The following RFNG variants were observed in gnomAD, a reference collection of about 807,000 sequenced individuals.
The protein encoded by RFNG is RFNG O-fucosylpeptide 3-beta-N-acetylglucosaminyltransferase.
In RFNG, 37 loss-of-function variants were observed where a neutral mutation model predicts 29.6. The observed-to-expected ratio is 1.25, with a 90% CI of 0.96 to 1.65. The LOEUF is 1.65. RFNG is among the 40% of genes most tolerant of loss of function. The pLI is 0.00. For synonymous variants in RFNG, 276 were observed against 197.3 expected, an observed-to-expected ratio of 1.40 and a Z score of -3.34; for missense variants, 546 against 457.0, an observed-to-expected ratio of 1.19 and a Z score of -1.78.
rs2030503474 is a variant in RFNG at position 82,051,204 on chromosome 17, G to A, written c.316+90C>T. The A allele has an allele frequency of 1.5e-6, 2 of 1,305,484 alleles. No individual in the cohort carries two copies. The highest frequency in any genetic ancestry group is 6.2e-5 in the East Asian group (2 of 32,278). The allele number at this position is 1,305,484 out of a possible 1,614,324, so 80.9% of individuals were successfully genotyped here. A position where few individuals can be genotyped will look rare whatever the true frequency, so the allele number is the denominator to read the frequency against. On this transcript the variant is annotated intron_variant, in intron 2 of 7. Coordinates refer to ENST00000310496, the MANE Select transcript of RFNG (RefSeq NM_002917.2). The surrounding 1 kb of genome is among the most constrained non-coding windows in gnomAD (Gnocchi z 4.1). ...GCCTCGGGAGCCTGGGCAGAGAAAGGCACCCACAGCAGCGAAGGGGCCGTG... is the reference window on the plus strand; with the variant it reads ...GCCTCGGGAGCCTGGGCAGAGAAAGACACCCACAGCAGCGAAGGGGCCGTG...
At chr17:82,049,143 G>A (rs748835578) in intron 6 of RFNG, 27 bp from the exon 7 acceptor site, 46 of 1,582,430 alleles carry the variant, frequency 2.9e-5, no homozygotes, top group Middle Eastern at 1.7e-4. Context: ...TGGGCAGAGT[G>A]TGTGGCCTGG....
In RFNG at chr17:82,048,598, G is replaced by C; in HGVS notation, c.*128C>G. The stretch of plus-strand genomic sequence containing the variant: ...AGGGGGGGCTGCAGGCTAGCCAGAG[G>C]GTCTGCCAGGTGCCTGCATCTCACT... On this transcript the variant is annotated 3_prime_UTR_variant, in exon 8 of 8. Transcript: ENST00000310496. The C allele has an allele frequency of 1.3e-6, 1 of 744,192 alleles. No individual in the cohort carries two copies. The highest frequency in any genetic ancestry group is 2.5e-5 in the East Asian group (1 of 40,236). The allele number at this position is 744,192 out of a possible 1,614,324, so 46.1% of individuals were successfully genotyped here.
Position 82,051,051 on chromosome 17 carries a change from G to A in RFNG, c.316+243C>T, listed in dbSNP as rs1049925607. 10 of 1,389,460 alleles carry A rather than the reference G, an allele frequency of 7.2e-6. No homozygotes were observed. The highest frequency in any genetic ancestry group is 4.4e-5 in the African/African-American group (3 of 68,306). 86.1% of individuals were successfully genotyped at this position (1,389,460 alleles called of 1,614,324 possible). On this transcript the variant is annotated intron_variant, in intron 2 of 7. Transcript: ENST00000310496. This position sits in a 1 kb window ranked among gnomAD's most constrained non-coding sequence, Gnocchi z 4.1. The stretch of plus-strand genomic sequence containing the variant: ...CGGATTCCCTGCTGGCGCTTCTTCA[G>A]GGGACGTGGCACTAGCCCCACGCCC...
chr17:82,050,616 C>G (rs758468489), intron 3 of RFNG, 46 bp downstream of exon 3: 2 of 1,608,636 alleles, frequency 1.2e-6, no homozygotes, highest in African/African-American at 2.7e-5. Context: ...AGGCCCCCAC[C>G]CAGCTTGGCT....
chr17:82,049,308 G>A (rs769858228), intron 6 of RFNG, 192 bp from the exon 7 acceptor site: 36 of 704,344 alleles, frequency 5.1e-5, no homozygotes, highest in African/African-American at 2.1e-4. Flanking sequence ...GAGCCTGGGG[G>A]ACAGAAGATA....
At chr17:82,050,211 C>T in intron 4 of RFNG, 191 bp downstream of exon 4, 1 of 797,156 alleles carries the variant, frequency 1.3e-6, no homozygotes, top group South Asian at 1.8e-5. Context: ...CCCAGACACC[C>T]CCTCTCTGCC....
chr17:82,050,489 G>A lies in RFNG; in HGVS notation c.486C>T (p.Ser162=), dbSNP rs369352365. The part of the protein sequence containing the change: ...NARSLLHLLS[S]FSPSQDVYLG... Reference sequence around the variant, plus strand: ...GGTAGACGTCCTGGCTGGGTGAGAAGCTGGAGAGCAGGTGCAGGAGGCTCC... The same window carrying A: ...GGTAGACGTCCTGGCTGGGTGAGAAACTGGAGAGCAGGTGCAGGAGGCTCC... The change falls in exon 4 of 8, where the codon AGC becomes AGT. Residue 162 remains serine (S), a synonymous_variant. Transcript: ENST00000310496. The A allele has an allele frequency of 5.3e-5, 86 of 1,612,918 alleles. 1 individual carries two copies. The highest frequency in any genetic ancestry group is 1.1e-4 in the African/African-American group (8 of 74,902).
Position 82,049,111 on chromosome 17 carries a change from G to A in RFNG, c.834C>T (p.Thr278=). 2 of 1,613,178 alleles carry A rather than the reference G, an allele frequency of 1.2e-6. No individual in the cohort carries two copies. Among genetic ancestry groups the A allele is most frequent in the Non-Finnish European group, 1.7e-6 (2 of 1,179,696 alleles). Residue 278 remains threonine (T), a synonymous_variant, in exon 7 of 8, where the codon ACC becomes ACT. Coordinates refer to ENST00000310496, the MANE Select transcript of RFNG (RefSeq NM_002917.2). ...LPPDTLLQQV[T]LSHGGPENPH... ...GGTTCTCAGGACCCCCATGGCTCAAGGTAACCTGGGAGGGAAGGGTGTGGG... is the reference window on the plus strand; with the variant it reads ...GGTTCTCAGGACCCCCATGGCTCAAAGTAACCTGGGAGGGAAGGGTGTGGG...
At chr17:82,048,877 C>T (rs906950885) in intron 7 of RFNG, 70 bp from the exon 8 acceptor site, 15 of 1,451,162 alleles carry the variant, frequency 1.0e-5, no homozygotes, top group East Asian at 4.6e-5. Flanking sequence ...CCGTGGGCGG[C>T]GGGAGAACCT....
chr17:82,049,157 G>C (rs760473344), intron 6 of RFNG, 41 bp from the exon 7 acceptor site: 1 of 1,546,410 alleles, frequency 6.5e-7, no homozygotes, highest in Admixed American at 1.7e-5. Context: ...GGCCTGGTCT[G>C]GTCTCGGGCC....
chr17:82,050,125 G>C, intron 4 of RFNG, 119 bp from the exon 5 acceptor site: 1 of 966,032 alleles, frequency 1.0e-6, no homozygotes, highest in Non-Finnish European at 1.6e-6. Context: ...CCAGGTAACA[G>C]AAGCTTCTTG....
chr17:82,049,175 C>T, intron 6 of RFNG, 59 bp from the exon 7 acceptor site: 1 of 1,448,746 alleles, frequency 6.9e-7, no homozygotes, highest in Non-Finnish European at 9.6e-7. Flanking sequence ...GCCACGCCTG[C>T]CCCTGGCCAG....
intron 4 of RFNG, 37 bp from the exon 5 acceptor site, chr17:82,050,043 G>A (rs1031186728): frequency 1.9e-6 from 3 of 1,540,632 alleles, no homozygotes; most frequent in Middle Eastern, 1.7e-4. Flanking sequence ...GCCCAGGACA[G>A]GGCTTCTCAC....
Position 82,051,397 on chromosome 17 carries a change from A to ACCCGC in RFNG, c.268-60_268-56dup, listed in dbSNP as rs2030555472. ...GGGGCGCTGCCCAGGCCGGAGACCG[A>ACCCGC]CCCGCCCCGCGCGGAGCCTCCGGGG... is the stretch of plus-strand genomic sequence containing the variant. On this transcript the variant is annotated intron_variant, in intron 1 of 7. Transcript: ENST00000310496. The surrounding 1 kb of genome is among the most constrained non-coding windows in gnomAD (Gnocchi z 4.1). 2.8e-6 allele frequency: 4 copies of ACCCGC among 1,409,028 alleles called. No homozygotes were observed. In the South Asian group the frequency reaches 6.8e-5, roughly 24 times the overall value. The allele number at this position is 1,409,028 out of a possible 1,614,324, so 87.3% of individuals were successfully genotyped here.
In RFNG at chr17:82,051,248, C is replaced by G; in HGVS notation, c.316+46G>C. 1 of 1,337,034 alleles carries G rather than the reference C, an allele frequency of 7.5e-7. No homozygotes were observed. The highest frequency in any genetic ancestry group is 9.6e-7 in the Non-Finnish European group (1 of 1,040,662). 82.8% of individuals were successfully genotyped at this position (1,337,034 alleles called of 1,614,324 possible). A position where few individuals can be genotyped will look rare whatever the true frequency, so the allele number is the denominator to read the frequency against. On this transcript the variant is annotated intron_variant, in intron 2 of 7. Coordinates refer to ENST00000310496, the MANE Select transcript of RFNG (RefSeq NM_002917.2). This position sits in a 1 kb window ranked among gnomAD's most constrained non-coding sequence, Gnocchi z 4.1. ...GGCCGTGGCTTCGGAGCGAGAAAGG[C>G]TCGGGGGGCAGATCCCGCGGGCGCC...
rs2030489424 is a variant in RFNG at position 82,051,127 on chromosome 17, G to A, written c.316+167C>T. 7.5e-6 allele frequency: 10 copies of A among 1,327,846 alleles called. No homozygotes were observed. The highest frequency in any genetic ancestry group is 9.6e-6 in the Non-Finnish European group (10 of 1,043,204). The allele number at this position is 1,327,846 out of a possible 1,614,324, so 82.3% of individuals were successfully genotyped here. On this transcript the variant is annotated intron_variant, in intron 2 of 7. Transcript: ENST00000310496. The surrounding 1 kb of genome is among the most constrained non-coding windows in gnomAD (Gnocchi z 4.1). ...GGTGGGGAGCAGAGCTTGGCTGGCA[G>A]GGTGGGCCCTCCGCAGGCCGCGTGA...
Position 82,049,746 on chromosome 17 carries a change from C to A in RFNG, c.759G>T (p.Leu253=). ...GGTGAGAGTGGAAGAGGGGGCTGTG[C>A]AGCAGGCGGGCGCCCAGGAGCCCCT... is the stretch of plus-strand genomic sequence containing the variant. ...IVEGLLGARL[L]HSPLFHSHLE... is the part of the protein sequence containing the mutation. Residue 253 remains leucine, a synonymous_variant, in exon 6 of 8, where the codon CTG becomes CTT. Transcript: ENST00000310496. 1 of 1,520,038 alleles carries A rather than the reference C, an allele frequency of 6.6e-7. No individual in the cohort carries two copies. The highest frequency in any genetic ancestry group is 2.3e-5 in the East Asian group (1 of 44,074). The allele number at this position is 1,520,038 out of a possible 1,614,324, so 94.2% of individuals were successfully genotyped here.
intron 4 of RFNG, 164 bp from the exon 5 acceptor site, chr17:82,050,170 G>A (rs1598469211): frequency 1.3e-6 from 1 of 792,182 alleles, no homozygotes; most frequent in South Asian, 1.8e-5. Flanking sequence ...GCAGGCCATT[G>A]ACCCGTAGCC....
In RFNG at chr17:82,049,422, C is replaced by T. The variant is rs1380972198; in HGVS notation, c.828+255G>A. The T allele has an allele frequency of 4.3e-6, 3 of 701,844 alleles. No individual in the cohort carries two copies. In the African/African-American group the frequency reaches 5.2e-5, roughly 12 times the overall value. The allele number at this position is 701,844 out of a possible 1,614,324, so 43.5% of individuals were successfully genotyped here. On this transcript the variant is annotated intron_variant, in intron 6 of 7. Coordinates refer to ENST00000310496, the MANE Select transcript of RFNG (RefSeq NM_002917.2). ...TCACCATACACACCACACCCACTGC[C>T]CAGCTGGCATGGGGCCTCACTGGCC... is the stretch of plus-strand genomic sequence containing the variant.
Sources: allele counts gnomAD v4.1 joint callset, GRCh38; gene constraint gnomAD v4.1.1; non-coding constraint Gnocchi (gnomAD v3.1); transcripts MANE v1.5; gene names NCBI Gene and HGNC (gene_info 2026-07-23, HGNC 2026-07-21).